The following LHFPL2 variants were observed in gnomAD, a reference collection of about 807,000 sequenced individuals.
The protein encoded by LHFPL2 is LHFPL tetraspan subfamily member 2, also known as LHFPL tetraspan subfamily member 2 protein.
A neutral mutation model predicts 17.5 loss-of-function variants in LHFPL2; 7 were observed. The observed-to-expected ratio is 0.40, with a 90% CI of 0.23 to 0.75. LHFPL2 has a LOEUF of 0.75. Ranked by LOEUF, LHFPL2 falls within the 30% of genes least tolerant of loss-of-function variation. LHFPL2 has a pLI of 0.37. For missense variants in LHFPL2, 241 were observed against 294.8 expected, an observed-to-expected ratio of 0.82 and a Z score of 1.34; for synonymous variants, 134 against 116.2, an observed-to-expected ratio of 1.15 and a Z score of -0.99.
chr5:78,534,062 G>C (rs928216996), intron 3 of LHFPL2, among the ~76,000 whole-genome samples: 2 of 152,240 alleles, frequency 1.3e-5, no homozygotes, highest in Non-Finnish European at 2.9e-5. Flanking sequence ...AATCACCGAT[G>C]CTGGGGCAGG....
At chr5:78,570,661 T>C (rs1019016054) in intron 2 of LHFPL2, among the ~76,000 whole-genome samples, 55 of 148,626 alleles carry the variant, frequency 3.7e-4, no homozygotes, top group Admixed American at 5.4e-4. Flanking sequence ...TATATATATA[T>C]ATACGTATGA....
intron 3 of LHFPL2, among the ~76,000 whole-genome samples, chr5:78,522,710 C>T (rs1755495032): frequency 6.6e-6 from 1 of 152,146 alleles, no homozygotes; most frequent in Admixed American, 6.5e-5. Context: ...GATACTCTTA[C>T]TGCCCTCCGG....
At chr5:78,542,876 G>A (rs1756154853) in intron 3 of LHFPL2, among the ~76,000 whole-genome samples, 1 of 152,202 alleles carries the variant, frequency 6.6e-6, no homozygotes, top group African/African-American at 2.4e-5. Context: ...AAGTGCCAAT[G>A]GTGATATGGA....
chr5:78,590,201 G>GAACAACAACAAC (rs3068896), intron 2 of LHFPL2: 3,584 of 150,650 alleles, frequency 0.024, 135 homozygotes, highest in African/African-American at 0.08. Flanking sequence ...ACCTAGCCAG[G>GAACAACAACAAC]AACAACAACA....
At chr5:78,521,955 A>T (rs1374647599) in intron 3 of LHFPL2, among the ~76,000 whole-genome samples, 1 of 151,976 alleles carries the variant, frequency 6.6e-6, no homozygotes, top group East Asian at 1.9e-4. Context: ...CCCTACTCCC[A>T]CCCCAGGAAA....
chr5:78,589,926 G>A (rs999322019), intron 2 of LHFPL2, among the ~76,000 whole-genome samples: 3 of 152,174 alleles, frequency 2.0e-5, no homozygotes, highest in African/African-American at 7.2e-5. Context: ...AAGTTAAAAG[G>A]GGCCCAAAAT....
intron 4 of LHFPL2, among the ~76,000 whole-genome samples, chr5:78,508,640 G>A (rs532194974): frequency 6.6e-6 from 1 of 152,224 alleles, no homozygotes; most frequent in Non-Finnish European, 1.5e-5. Context: ...TATGAGGCCA[G>A]CTAGAGTGAA....
chr5:78,623,036 T>C (rs2112502147), intron 2 of LHFPL2, among the ~76,000 whole-genome samples: 1 of 152,206 alleles, frequency 6.6e-6, no homozygotes, highest in Admixed American at 6.5e-5. Flanking sequence ...AAGATACAAA[T>C]GGAAGAAAAG....
intron 4 of LHFPL2, among the ~76,000 whole-genome samples, chr5:78,500,037 AGG>A (rs1754726684): frequency 4.5e-5 from 3 of 67,364 alleles, no homozygotes; most frequent in South Asian, 5.3e-4. Flanking sequence ...AAAAAAAAAA[AGG>A]CAGTATAATC....
chr5:78,595,318 T>A (rs574501571), intron 2 of LHFPL2, among the ~76,000 whole-genome samples: 1 of 152,366 alleles, frequency 6.6e-6, no homozygotes, highest in East Asian at 1.9e-4. Flanking sequence ...TGAGTCATAC[T>A]GGCTTGAATC....
intron 4 of LHFPL2, among the ~76,000 whole-genome samples, chr5:78,499,189 C>T (rs902785164): frequency 4.6e-5 from 7 of 152,196 alleles, no homozygotes; most frequent in African/African-American, 1.7e-4. Flanking sequence ...CTATAAACAC[C>T]CTCCCCCAAA....
At chr5:78,524,742 C>CAA (rs34179854) in intron 3 of LHFPL2, among the ~76,000 whole-genome samples, 1,417 of 117,666 alleles carry the variant, frequency 0.012, 19 homozygotes, top group African/African-American at 0.035. Flanking sequence ...ACCCTGTTCT[C>CAA]AAAAAAAAAA....
intron 4 of LHFPL2, among the ~76,000 whole-genome samples, chr5:78,490,311 C>G (rs2112284531): frequency 6.6e-6 from 1 of 152,298 alleles, no homozygotes; most frequent in Middle Eastern, 3.4e-3. Context: ...CTTCAGGTAT[C>G]AGCCCTGTGC....
chr5:78,603,065 A>G (rs193020539), intron 2 of LHFPL2, among the ~76,000 whole-genome samples: 1 of 151,468 alleles, frequency 6.6e-6, no homozygotes, highest in Admixed American at 6.6e-5. Context: ...TAATTTTTGT[A>G]TTTTTTTTAG....
chr5:78,604,506 C>G (rs1744141455), intron 2 of LHFPL2, among the ~76,000 whole-genome samples: 1 of 152,050 alleles, frequency 6.6e-6, no homozygotes. Context: ...AAAGAAGAAC[C>G]AAAATCAGAA....
At position 78,490,161 on chromosome 5, in the gene LHFPL2, C is replaced by T. The variant is rs538205456; in HGVS notation, c.431-1008G>A. 2.0e-5 allele frequency among the ~76,000 whole-genome samples: 3 copies of T among 152,348 alleles called. No homozygotes were observed. In the South Asian group the frequency reaches 6.2e-4, roughly 32 times the overall value. On this transcript the variant is annotated intron_variant, in intron 4 of 4. Coordinates refer to ENST00000380345, the MANE Select transcript of LHFPL2 (RefSeq NM_005779.3). ...CATTTTGCTGACCCTACTACCTTGT[C>T]ATTTTAAACACCTATTTTCCTGTTC...
At chr5:78,607,253 C>G (rs1469185561) in intron 2 of LHFPL2, among the ~76,000 whole-genome samples, 1 of 151,894 alleles carries the variant, frequency 6.6e-6, no homozygotes, top group African/African-American at 2.4e-5. Flanking sequence ...GCTGGGATTA[C>G]AGGCACCCGC....
chr5:78,603,963 G>A (rs1284008996), intron 2 of LHFPL2, among the ~76,000 whole-genome samples: 2 of 151,986 alleles, frequency 1.3e-5, no homozygotes, highest in Non-Finnish European at 2.9e-5. Context: ...ATTGCTTGAA[G>A]CCAGGAGTTT....
chr5:78,637,538 G>A (rs1745497808), intron 1 of LHFPL2, among the ~76,000 whole-genome samples: 1 of 152,212 alleles, frequency 6.6e-6, no homozygotes, highest in African/African-American at 2.4e-5. Context: ...AGGGCTGAGG[G>A]CTCGCAGTCT....
Sources: gnomAD v4.1 joint callset for allele counts (sites outside exome capture counted in the v4.1 genomes callset) on GRCh38, gnomAD v4.1.1 for gene constraint, MANE v1.5 for transcripts, NCBI Gene and HGNC (gene_info 2026-07-23, HGNC 2026-07-21) for gene names.